COL16A1: variants seen among roughly 807,000 people sequenced by gnomAD.
The protein encoded by COL16A1 is collagen alpha-1(XVI) chain.
Under a neutral mutation model 266.3 loss-of-function variants are expected in COL16A1, and 189 were observed. That is an observed-to-expected ratio of 0.71 (90% CI 0.63 to 0.80). COL16A1 has a LOEUF of 0.80. Among genes scored for constraint, COL16A1 ranks in the 30% least tolerant of loss-of-function variants. The pLI is 0.00. For missense variants in COL16A1, 1,928 were observed against 2,122.4 expected (o/e 0.91, Z 1.80); for synonymous variants, 740 against 782.3 (o/e 0.95, Z 0.90).
intron 62 of COL16A1, chr1:31,659,512 T>A (rs1291866857): frequency 6.3e-6 from 1 of 158,976 alleles, no homozygotes; most frequent in Non-Finnish European, 1.4e-5. Context: ...TAGGGCTGCG[T>A]CTGAAATGCC....
In COL16A1 at chr1:31,656,436, A is replaced by G. The variant is rs1036044823; in HGVS notation, c.4065T>C (p.Pro1355=). Residue 1355 remains proline, a synonymous_variant, in exon 66 of 71, where the codon CCT becomes CCC. Coordinates refer to ENST00000373672, the MANE Select transcript of COL16A1 (RefSeq NM_001856.4). The surrounding 1 kb of genome is among the most constrained non-coding windows in gnomAD (Gnocchi z 4.2). The stretch of plus-strand genomic sequence containing the variant: ...GAGGTCCATAGAATCCCTGCTTTCC[A>G]GGGGGTCCCTAGAGGAAAGCAAAAG... ...TDGAAGKEGP[P]GKQGFYGPPG... 9 of 1,613,028 alleles carry G rather than the reference A, an allele frequency of 5.6e-6. No homozygotes were observed. The highest frequency in any genetic ancestry group is 5.1e-6 in the Non-Finnish European group (6 of 1,179,646).
rs747290482 is a variant in COL16A1 at position 31,683,706 on chromosome 1, C to G, written c.2379+1G>C. ...AGGCAAAGGCAGGGCTAGAGACTCA[C>G]CTGGGGTCCCTGGACTCCCCTTCCT... is the stretch of plus-strand genomic sequence containing the variant. On this transcript the variant is annotated splice_donor_variant, in intron 34 of 70. Transcript: ENST00000373672. LOFTEE classifies it high-confidence loss of function. The G allele has an allele frequency of 3.7e-6, 6 of 1,614,168 alleles. No individual in the cohort carries two copies. Among genetic ancestry groups the G allele is most frequent in the Non-Finnish European group, 5.1e-6 (6 of 1,180,012 alleles).
intron 37 of COL16A1, 113 bp downstream of exon 37, chr1:31,682,821 C>T (rs1643739102): frequency 8.8e-6 from 12 of 1,358,512 alleles, no homozygotes; most frequent in Non-Finnish European, 1.2e-5. Context: ...AGGCCTCTCT[C>T]CTCCCATCCC....
intron 37 of COL16A1, among the ~76,000 whole-genome samples, chr1:31,681,723 C>T (rs1211877239): frequency 3.3e-5 from 5 of 152,256 alleles, no homozygotes; most frequent in Non-Finnish European, 4.4e-5. Flanking sequence ...AGCCTGGCCA[C>T]GCAGAGGCTC....
chr1:31,680,956 T>A (rs1376802796), intron 38 of COL16A1, 25 bp from the exon 39 acceptor site: 1 of 1,614,028 alleles, frequency 6.2e-7, no homozygotes, highest in East Asian at 2.2e-5. Context: ...CACAGGAAGG[T>A]GAGCAGATAG....
chr1:31,685,997 G>A lies in COL16A1; in HGVS notation c.1884+94C>T. On this transcript the variant is annotated intron_variant, in intron 28 of 70. Transcript: ENST00000373672. This position sits in a 1 kb window ranked among gnomAD's most constrained non-coding sequence, Gnocchi z 4.0. ...GGAGTCAGACTCTGCCCGACAGACA[G>A]CAAGGAGCCCCAGAGGGTTCGAAGT... 1 of 1,560,188 alleles carries A rather than the reference G, an allele frequency of 6.4e-7. No individual in the cohort carries two copies.
At chr1:31,675,834 T>C (rs995600123) in intron 42 of COL16A1, among the ~76,000 whole-genome samples, 2 of 152,072 alleles carry the variant, frequency 1.3e-5, no homozygotes, top group African/African-American at 4.8e-5. Flanking sequence ...CTAATTCTTT[T>C]GTGTTTATTA....
At position 31,664,927 on chromosome 1, in the gene COL16A1, C is replaced by T. The variant is rs1437784397; in HGVS notation, c.3555+245G>A. ...TTCCCCCCATCACAGCAGACAAGGG[C>T]CTGGGCTGCACAGAGGCCGCAGGCA... On this transcript the variant is annotated intron_variant, in intron 56 of 70. Transcript: ENST00000373672. This position sits in a 1 kb window ranked among gnomAD's most constrained non-coding sequence, Gnocchi z 5.5. Among the ~76,000 whole-genome samples, 1 of 152,190 alleles carries T rather than the reference C, an allele frequency of 6.6e-6. No homozygotes were observed. Among genetic ancestry groups the T allele is most frequent in the African/African-American group, 2.4e-5 (1 of 41,454 alleles).
rs1557675074 is a variant in COL16A1 at position 31,688,008 on chromosome 1, G to C, written c.1803+459C>G. On this transcript the variant is annotated intron_variant, in intron 26 of 70. Transcript: ENST00000373672. The surrounding 1 kb of genome is among the most constrained non-coding windows in gnomAD (Gnocchi z 4.9). ...ACAGTCTCTGGAGCCAGGCTTCCTG[G>C]GCTCAATCCCAGCTCTGCATCCAAT... is the stretch of plus-strand genomic sequence containing the variant. Among the ~76,000 whole-genome samples the C allele has an allele frequency of 6.6e-6, 1 of 152,106 alleles. No individual in the cohort carries two copies. Among genetic ancestry groups the C allele is most frequent in the Non-Finnish European group, 1.5e-5 (1 of 68,020 alleles).
chr1:31,654,263 CTA>C (rs1640902154), intron 68 of COL16A1, among the ~76,000 whole-genome samples: 2 of 152,326 alleles, frequency 1.3e-5, no homozygotes, highest in African/African-American at 4.8e-5. Context: ...ACAGATCTGA[CTA>C]TGGCATCTCT....
chr1:31,654,842 T>A lies in COL16A1; in HGVS notation c.4307A>T (p.Tyr1436Phe), dbSNP rs778540762. Reference sequence around the variant, plus strand: ...TCTGATGAACCTCTTGATTTCATCATAATTCACCATGTCTCCCTGAAGAAA... The same window carrying A: ...TCTGATGAACCTCTTGATTTCATCAAAATTCACCATGTCTCCCTGAAGAAA... ...VPGSMGDMVN[Y>F]DEIKRFIRQE... The change falls in exon 68 of 71, where the codon TAT (tyrosine) becomes TTT (phenylalanine). Residue 1436 changes from tyrosine to phenylalanine, a missense_variant. Physicochemically the swap from Tyr to Phe is conservative, Grantham distance 22 (BLOSUM62 3). Around this residue, in one of 2 missense-constraint regions of COL16A1, gnomAD observed 376 missense variants for 485.2 expected, o/e 0.77. Coordinates refer to ENST00000373672, the MANE Select transcript of COL16A1 (RefSeq NM_001856.4). The A allele has an allele frequency of 3.1e-6, 5 of 1,614,002 alleles. No individual in the cohort carries two copies. In the African/African-American group the frequency reaches 5.3e-5, roughly 17 times the overall value.
intron 31 of COL16A1, 81 bp from the exon 32 acceptor site, chr1:31,684,312 C>A: frequency 6.9e-7 from 1 of 1,448,034 alleles, no homozygotes. Context: ...CCTCTGAACA[C>A]TCTGCCCCTT....
rs367544171 is a variant in COL16A1, at chr1:31,696,966, G to A, written c.861C>T (p.Ser287=). 29 of 1,613,776 alleles carry A rather than the reference G, an allele frequency of 1.8e-5. No homozygotes were observed. The highest frequency in any genetic ancestry group is 1.3e-5 in the African/African-American group (1 of 74,930). ...TCCACCTGTCCTGCCCACCCACCTC[G>A]CTGTTTTGAGGCTCCTCCAGGCAGA... ...RCFCLEEPQN[S]EVDAQLTGRI... The change falls in exon 8 of 71, where the codon AGC becomes AGT. Residue 287 remains serine, a synonymous_variant. Coordinates refer to ENST00000373672, the MANE Select transcript of COL16A1 (RefSeq NM_001856.4).
At chr1:31,669,233 G>A (rs1642427778) in intron 49 of COL16A1, among the ~76,000 whole-genome samples, 1 of 152,088 alleles carries the variant, frequency 6.6e-6, no homozygotes, top group Non-Finnish European at 1.5e-5. Context: ...ATTCTGAGGG[G>A]CAACTGTCAG....
rs1642001735 is a variant in COL16A1, at chr1:31,664,961, C to T, written c.3555+211G>A. ...CACAGAGGCCGCAGGCATCCTGGGC[C>T]AAGCAGACATCCCGAGGAGCCCACT... On this transcript the variant is annotated intron_variant, in intron 56 of 70. Transcript: ENST00000373672. The surrounding 1 kb of genome is among the most constrained non-coding windows in gnomAD (Gnocchi z 5.5). Among the ~76,000 whole-genome samples the T allele has an allele frequency of 6.6e-6, 1 of 152,152 alleles. No homozygotes were observed. Among genetic ancestry groups the T allele is most frequent in the African/African-American group, 2.4e-5 (1 of 41,422 alleles).
chr1:31,660,746 C>A, intron 61 of COL16A1, 108 bp from the exon 62 acceptor site: 1 of 1,493,924 alleles, frequency 6.7e-7, no homozygotes, highest in Non-Finnish European at 9.1e-7. Flanking sequence ...TGCCAATGGC[C>A]AAAGGAGCTG....
In COL16A1 at chr1:31,689,040, G is replaced by T. The variant is rs540371774; in HGVS notation, c.1656+10C>A. 6.9e-5 allele frequency: 112 copies of T among 1,613,926 alleles called. 1 individual carries two copies. The highest frequency in any genetic ancestry group is 4.9e-4 in the Middle Eastern group (3 of 6,062). Reference sequence around the variant, plus strand: ...AGAGGAGGGCAGCCAGGAGAGCAGGGTTCCCTCACCTTCTCTCCTTTGATG... The same window carrying T: ...AGAGGAGGGCAGCCAGGAGAGCAGGTTTCCCTCACCTTCTCTCCTTTGATG... On this transcript the variant is annotated intron_variant, in intron 24 of 70. Coordinates refer to ENST00000373672, the MANE Select transcript of COL16A1 (RefSeq NM_001856.4).
Position 31,664,012 on chromosome 1 carries a change from C to T in COL16A1, c.3555+1160G>A, listed in dbSNP as rs1455320378. Among the ~76,000 whole-genome samples, 2 of 152,174 alleles carry T rather than the reference C, an allele frequency of 1.3e-5. No individual in the cohort carries two copies. The highest frequency in any genetic ancestry group is 2.9e-5 in the Non-Finnish European group (2 of 68,030). On this transcript the variant is annotated intron_variant, in intron 56 of 70. Coordinates refer to ENST00000373672, the MANE Select transcript of COL16A1 (RefSeq NM_001856.4). This position sits in a 1 kb window ranked among gnomAD's most constrained non-coding sequence, Gnocchi z 5.5. ...TCGGGGGCTCTGTAATGCCACCAGC[C>T]ACCAGGAGGGGTCAGCAGAGCCCCA...
rs1570564237 is a variant in COL16A1 at position 31,691,996 on chromosome 1, G to A, written c.1257+9C>T. On this transcript the variant is annotated intron_variant, in intron 17 of 70. Coordinates refer to ENST00000373672, the MANE Select transcript of COL16A1 (RefSeq NM_001856.4). ...TGGGTTGTGGTGGGGAAGGGTCCCA[G>A]GCACCTACGTCCCGGCCTGGCTTTC... The A allele has an allele frequency of 6.2e-7, 1 of 1,613,792 alleles. No individual in the cohort carries two copies. Among genetic ancestry groups the A allele is most frequent in the African/African-American group, 1.3e-5 (1 of 75,022 alleles).
Sources: gnomAD v4.1 joint callset for allele counts (sites outside exome capture counted in the v4.1 genomes callset) on GRCh38, gnomAD v4.1.1 for gene constraint, gnomAD v4.1.1 regional missense constraint, Gnocchi (gnomAD v3.1) non-coding constraint, MANE v1.5 for transcripts, NCBI Gene and HGNC (gene_info 2026-07-23, HGNC 2026-07-21) for gene names.